The following EMB variants were observed in gnomAD, a reference collection of about 807,000 sequenced individuals.
EMB encodes embigin homolog.
EMB carries 31 observed loss-of-function variants against 41.4 expected under a neutral mutation model. The ratio of observed to expected loss-of-function variants is 0.75; its 90% CI spans 0.56 to 1.01. The LOEUF is 1.01. EMB is among the 50% of genes least tolerant of loss of function. The pLI, the probability that EMB is intolerant of heterozygous loss-of-function variation, is 0.00. For missense variants in EMB, 379 were observed against 388.3 expected (o/e 0.98, Z 0.20); for synonymous variants, 137 against 140.4 (o/e 0.98, Z 0.17).
chr5:50,420,809 C>T (rs764570229), intron 2 of EMB, among the ~76,000 whole-genome samples: 1 of 152,134 alleles, frequency 6.6e-6, no homozygotes, highest in Non-Finnish European at 1.5e-5. Context: ...AAGGCACTTT[C>T]CCTTAGACTG....
At chr5:50,441,647 G>C (rs1579750292), upstream of EMB, among the ~76,000 whole-genome samples, 1 of 152,162 alleles carries the variant, frequency 6.6e-6, no homozygotes, top group South Asian at 2.1e-4. Flanking sequence ...TACGAGGGAG[G>C]CTTATTTTTG....
intron 2 of EMB, among the ~76,000 whole-genome samples, chr5:50,423,723 G>C (rs1234170067): frequency 6.6e-6 from 1 of 152,068 alleles, no homozygotes; most frequent in African/African-American, 2.4e-5. Flanking sequence ...CAGCTCGGAG[G>C]CTCCTGTACA....
At chr5:50,400,590 A>T (rs983160350) in intron 7 of EMB, among the ~76,000 whole-genome samples, 2 of 151,986 alleles carry the variant, frequency 1.3e-5, no homozygotes, top group African/African-American at 2.4e-5. Flanking sequence ...CACTAAGAAA[A>T]CACCTCAGCA....
chr5:50,412,361 TCTGA>T (rs1274902345), intron 2 of EMB, among the ~76,000 whole-genome samples: 19 of 151,968 alleles, frequency 1.3e-4, no homozygotes, highest in Non-Finnish European at 2.5e-4. Context: ...AAATAGCTAC[TCTGA>T]CTAAAAGCAG....
intron 2 of EMB, among the ~76,000 whole-genome samples, chr5:50,412,202 T>C (rs1745349582): frequency 6.6e-6 from 1 of 150,700 alleles, no homozygotes; most frequent in South Asian, 2.1e-4. Flanking sequence ...TTTAGGGAAG[T>C]TGAGGTGTTT....
At position 50,428,200 on chromosome 5, in the gene EMB, C is replaced by G; in HGVS notation, c.140G>C (p.Arg47Thr). The G allele has an allele frequency of 6.2e-7, 1 of 1,612,218 alleles. No individual in the cohort carries two copies. The highest frequency in any genetic ancestry group is 1.3e-5 in the African/African-American group (1 of 74,998). ...AAAGTTATTTGCCATTATTTCTTCTCTGAGAGGTGGACTTGTAAAAGGCGA... is the reference window on the plus strand; with the variant it reads ...AAAGTTATTTGCCATTATTTCTTCTGTGAGAGGTGGACTTGTAAAAGGCGA... Reference protein sequence around the residue: ...PDSPFTSPPLREEIMANNFSL... With the variant: ...PDSPFTSPPLTEEIMANNFSL... The change falls in exon 2 of 9, where the codon AGA (arginine) becomes ACA (threonine). Residue 47 changes from arginine to threonine, a missense_variant. By Grantham distance (71) the Arg-to-Thr change is moderately conservative. Transcript: ENST00000303221.
intron 6 of EMB, among the ~76,000 whole-genome samples, chr5:50,402,899 A>AAGG (rs1745187508): frequency 7.2e-6 from 1 of 138,766 alleles, no homozygotes; most frequent in Non-Finnish European, 1.6e-5. Flanking sequence ...AAAAAAAAAA[A>AAGG]GAGGGGGGTG....
chr5:50,428,761 C>A, intron 1 of EMB: 1 of 985,234 alleles, frequency 1.0e-6, no homozygotes, highest in Non-Finnish European at 1.2e-6. Context: ...CCCTCTAACA[C>A]CTGACTTTCA....
At chr5:50,415,906 G>A (rs546927733) in intron 2 of EMB, among the ~76,000 whole-genome samples, 61 of 152,306 alleles carry the variant, frequency 4.0e-4, no homozygotes, top group Non-Finnish European at 7.1e-4. Context: ...AAAATGAACA[G>A]TGCAATCAAA....
rs1022601141 is a variant in EMB, at chr5:50,412,652, T to C, written c.197-1269A>G. Among the ~76,000 whole-genome samples the C allele has an allele frequency of 1.4e-4, 19 of 134,550 alleles. No individual in the cohort carries two copies. The East Asian group carries it at 1.5e-3, about 11-fold the overall frequency. 88.3% of individuals were successfully genotyped at this position (134,550 alleles called of 152,430 possible). A position where few individuals can be genotyped will look rare whatever the true frequency, so the allele number is the denominator to read the frequency against. ...CTTTTAACTGGCCCTTTGAGCTACA[T>C]GTTTTGGTAACTTTTGTCCATATGT... On this transcript the variant is annotated intron_variant, in intron 2 of 8. Transcript: ENST00000303221.
chr5:50,440,392 G>A (rs774734269), intron 1 of EMB, among the ~76,000 whole-genome samples: 2 of 151,958 alleles, frequency 1.3e-5, no homozygotes, highest in African/African-American at 2.4e-5. Flanking sequence ...AATTAGCCCG[G>A]CGTGGTGGCG....
At chr5:50,415,577 T>C (rs1745416371) in intron 2 of EMB, among the ~76,000 whole-genome samples, 1 of 152,170 alleles carries the variant, frequency 6.6e-6, no homozygotes, top group Non-Finnish European at 1.5e-5. Context: ...GATTAAATAA[T>C]TTAATCTTCA....
chr5:50,436,912 A>G (rs1305730261), intron 1 of EMB, among the ~76,000 whole-genome samples: 1 of 152,262 alleles, frequency 6.6e-6, no homozygotes, highest in Non-Finnish European at 1.5e-5. Context: ...TGTTTTCAAC[A>G]TATAATTTTT....
chr5:50,410,637 A>G (rs1745321036), intron 4 of EMB, among the ~76,000 whole-genome samples: 1 of 152,058 alleles, frequency 6.6e-6, no homozygotes. Context: ...ATAATGTGGT[A>G]GGCTGGCCTT....
At chr5:50,417,621 T>C (rs1025506177) in intron 2 of EMB, among the ~76,000 whole-genome samples, 10 of 152,172 alleles carry the variant, frequency 6.6e-5, no homozygotes, top group Non-Finnish European at 1.0e-4. Context: ...AAACCCAACT[T>C]GAGTAAAATG....
rs1463507906 is a variant in EMB at position 50,441,175 on chromosome 5, C to A, written c.-24G>T. ...ATGGCGCCAGAGGGTCCGCCTGGGT[C>A]CTCGTGGAGACTGCTCCCTCAGCTC... is the stretch of plus-strand genomic sequence containing the variant. On this transcript the variant is annotated 5_prime_UTR_variant, in exon 1 of 9. Transcript: ENST00000303221. The A allele has an allele frequency of 7.1e-7, 1 of 1,401,984 alleles. No individual in the cohort carries two copies. The highest frequency in any genetic ancestry group is 2.5e-5 in the Admixed American group (1 of 40,492). The allele number at this position is 1,401,984 out of a possible 1,614,324, so 86.8% of individuals were successfully genotyped here.
intron 4 of EMB, among the ~76,000 whole-genome samples, chr5:50,407,927 A>G (rs1008960995): frequency 2.0e-5 from 3 of 151,978 alleles, no homozygotes; most frequent in Non-Finnish European, 2.9e-5. Flanking sequence ...ATATTTGTAT[A>G]TTCATGAACT....
chr5:50,438,958 G>A (rs1362518556), intron 1 of EMB, among the ~76,000 whole-genome samples: 1 of 145,934 alleles, frequency 6.9e-6, no homozygotes, highest in Admixed American at 7.0e-5. Context: ...TAACCCTGAC[G>A]CCTATGGAAT....
rs762976714 is a variant in EMB at position 50,403,465 on chromosome 5, G to T, written c.601-11C>A. On this transcript the variant is annotated splice_polypyrimidine_tract_variant and intron_variant, in intron 5 of 8. Transcript: ENST00000303221. ...AACACCAACAGGAACCTAATATGAGGAGACATTAAAATCCATTCCTATCAT... is the reference window on the plus strand; with the variant it reads ...AACACCAACAGGAACCTAATATGAGTAGACATTAAAATCCATTCCTATCAT... The T allele has an allele frequency of 6.2e-7, 1 of 1,610,454 alleles. No homozygotes were observed. The highest frequency in any genetic ancestry group is 8.5e-7 in the Non-Finnish European group (1 of 1,177,800).
Sources: allele counts gnomAD v4.1 joint callset (sites outside exome capture counted in the v4.1 genomes callset), GRCh38; gene constraint gnomAD v4.1.1; transcripts MANE v1.5; gene names NCBI Gene and HGNC (gene_info 2026-07-23, HGNC 2026-07-21).